Variants in PPP1CA observed in about 807,000 individuals in gnomAD.
The protein encoded by PPP1CA is protein phosphatase 1 catalytic subunit alpha.
Under a neutral mutation model 38.5 loss-of-function variants are expected in PPP1CA, and 14 were observed. That is an observed-to-expected ratio of 0.36 (90% CI 0.24 to 0.57). PPP1CA has a LOEUF of 0.57. PPP1CA is among the 20% of genes least tolerant of loss of function. The pLI, the probability that PPP1CA is intolerant of heterozygous loss-of-function variation, is 0.80. For missense variants in PPP1CA, 277 were observed against 435.2 expected (o/e 0.64, Z 3.23); for synonymous variants, 200 against 177.3 (o/e 1.13, Z -1.02).
chr11:67,400,014 G>GT (rs889164843), intron 3 of PPP1CA, among the ~76,000 whole-genome samples: 12 of 152,200 alleles, frequency 7.9e-5, no homozygotes, highest in Admixed American at 5.2e-4. Context: ...GCGCATGCCT[G>GT]TAATCCCAGC....
In PPP1CA at chr11:67,398,933, A is replaced by G; in HGVS notation, c.747+7T>C. 1.2e-6 allele frequency: 2 copies of G among 1,613,078 alleles called. No individual in the cohort carries two copies. Among genetic ancestry groups the G allele is most frequent in the South Asian group, 2.2e-5 (2 of 91,084 alleles). On this transcript the variant is annotated splice_region_variant and intron_variant, in intron 5 of 6. Transcript: ENST00000376745. ...TCCCCTGCCGCAGGCCGGAGCCACC[A>G]GCCCACCTGGTGTGCTCGGCAGATG...
intron 3 of PPP1CA, 136 bp downstream of exon 3, chr11:67,400,553 C>A (rs1238612247): frequency 6.9e-6 from 6 of 866,496 alleles, no homozygotes; most frequent in Non-Finnish European, 1.1e-5. Flanking sequence ...GGCACGAGAA[C>A]GGACCTGGGC....
At chr11:67,399,518 G>A (rs1282799428) in intron 4 of PPP1CA, 43 bp downstream of exon 4, 1 of 1,556,370 alleles carries the variant, frequency 6.4e-7, no homozygotes, top group East Asian at 2.2e-5. Flanking sequence ...GGTGCTGAGG[G>A]ATGCGGCCAG....
At chr11:67,401,413 G>T in intron 1 of PPP1CA, 1 of 784,036 alleles carries the variant, frequency 1.3e-6, no homozygotes, top group Non-Finnish European at 2.0e-6. Context: ...CGACTGTCGT[G>T]CGCAGGGGGC....
chr11:67,401,473 C>T (rs1390194875), intron 1 of PPP1CA: 1 of 597,112 alleles, frequency 1.7e-6, no homozygotes, highest in Non-Finnish European at 2.8e-6. Context: ...CCGGGCTTCC[C>T]GGGTTTCTCC....
At position 67,398,529 on chromosome 11, in the gene PPP1CA, C is replaced by T. The variant is rs138200265; in HGVS notation, c.*6G>A. ...ATCATCTGGGGCACAGGGTGGTGTG[C>T]GGGGGCTATTTCTTGGCTTTGGCGG... On this transcript the variant is annotated 3_prime_UTR_variant, in exon 7 of 7. Transcript: ENST00000376745. The T allele has an allele frequency of 3.9e-4, 624 of 1,612,454 alleles. 3 individuals are homozygous for T. In the East Asian group the frequency reaches 0.012, roughly 31 times the overall value.
chr11:67,401,816 G>C lies in PPP1CA; in HGVS notation c.-34C>G. ...CGCCGCTCCAGCCCAGCAGCTCCTG[G>C]CCCGCTCCTGCCTCCCGCCCTCCGG... On this transcript the variant is annotated 5_prime_UTR_variant, in exon 1 of 7. Transcript: ENST00000376745. 7.1e-7 allele frequency: 1 copy of C among 1,399,824 alleles called. No individual in the cohort carries two copies. Among genetic ancestry groups the C allele is most frequent in the South Asian group, 1.6e-5 (1 of 62,640 alleles). 86.7% of individuals were successfully genotyped at this position (1,399,824 alleles called of 1,614,324 possible). A position where few individuals can be genotyped will look rare whatever the true frequency, so the allele number is the denominator to read the frequency against.
At chr11:67,400,991 G>C (rs1727159248) in intron 2 of PPP1CA, 72 bp from the exon 3 acceptor site, 1 of 1,608,482 alleles carries the variant, frequency 6.2e-7, no homozygotes, top group African/African-American at 1.3e-5. Flanking sequence ...CTGCGCTCAA[G>C]GGAGGAGGGC....
Position 67,401,749 on chromosome 11 carries a change from T to G in PPP1CA, c.34A>C (p.Ile12Leu), listed in dbSNP as rs1421197088. ...SDSEKLNLDS[I>L]IGRLLEVQGS... ...CAACCTTCCAGCAGGCGCCCGATGA[T>G]CGAGTCCAGGTTGAGCTTCTCGCTG... Residue 12 changes from isoleucine (I) to leucine (L), a missense_variant, in exon 1 of 7, where the codon ATC (isoleucine) becomes CTC (leucine). Physicochemically the swap from Ile to Leu is conservative, Grantham distance 5. This residue lies in a region of PPP1CA where 44 missense variants were observed against 27.4 expected (regional missense o/e 1.60). Coordinates refer to ENST00000376745, the MANE Select transcript of PPP1CA (RefSeq NM_002708.4). 3 of 1,478,998 alleles carry G rather than the reference T, an allele frequency of 2.0e-6. No individual in the cohort carries two copies. Among genetic ancestry groups the G allele is most frequent in the Non-Finnish European group, 2.7e-6 (3 of 1,106,252 alleles). The allele number at this position is 1,478,998 out of a possible 1,614,324, so 91.6% of individuals were successfully genotyped here.
rs778071863 is a variant in PPP1CA, at chr11:67,401,782, T to TGGC, written c.-3_-1dup. ...AGGTTGAGCTTCTCGCTGTCGGACA[T>TGGC]GGCGGCGCCGCCGCTCCAGCCCAGC... On this transcript the variant is annotated 5_prime_UTR_variant, in exon 1 of 7. Transcript: ENST00000376745. 1.1e-5 allele frequency: 16 copies of TGGC among 1,465,756 alleles called. No homozygotes were observed. In the South Asian group the frequency reaches 2.0e-4, roughly 18 times the overall value. The allele number at this position is 1,465,756 out of a possible 1,614,324, so 90.8% of individuals were successfully genotyped here. A position where few individuals can be genotyped will look rare whatever the true frequency, so the allele number is the denominator to read the frequency against.
rs987090960 is a variant in PPP1CA at position 67,399,460 on chromosome 11, C to T, written c.523+101G>A. On this transcript the variant is annotated intron_variant, in intron 4 of 6. Transcript: ENST00000376745. ...CCAGCACAGTGGGGTATGGGGGACA[C>T]TTCCTGGAAGGAGTGACTTCCCAGA... 4 of 1,083,568 alleles carry T rather than the reference C, an allele frequency of 3.7e-6. No homozygotes were observed. In the Admixed American group the frequency reaches 7.9e-5, roughly 21 times the overall value. 67.1% of individuals were successfully genotyped at this position (1,083,568 alleles called of 1,614,324 possible).
intron 1 of PPP1CA, 104 bp downstream of exon 1, chr11:67,401,624 C>A: frequency 4.7e-6 from 5 of 1,066,072 alleles, no homozygotes; most frequent in Non-Finnish European, 4.8e-6. Context: ...GCTGCCCGTC[C>A]CCGCCCAGTC....
intron 6 of PPP1CA, 25 bp from the exon 7 acceptor site, chr11:67,398,670 C>G (rs761059133): frequency 1.2e-6 from 2 of 1,613,588 alleles, no homozygotes; most frequent in Non-Finnish European, 1.7e-6. Context: ...GTTGGTCAGG[C>G]TCATGGGGCT....
intron 1 of PPP1CA, 150 bp downstream of exon 1, chr11:67,401,578 G>T: frequency 1.5e-6 from 1 of 670,446 alleles, no homozygotes; most frequent in Non-Finnish European, 2.1e-6. Flanking sequence ...CCTCTCAGGC[G>T]CGTCCGCGGG....
At chr11:67,400,004 G>T (rs1347149745) in intron 3 of PPP1CA, among the ~76,000 whole-genome samples, 2 of 152,194 alleles carry the variant, frequency 1.3e-5, no homozygotes, top group African/African-American at 4.8e-5. Flanking sequence ...AGGCGTGGTG[G>T]CGCATGCCTG....
chr11:67,400,421 G>A (rs1372620353), intron 3 of PPP1CA, among the ~76,000 whole-genome samples: 5 of 152,208 alleles, frequency 3.3e-5, no homozygotes, highest in African/African-American at 1.2e-4. Flanking sequence ...AACATCCTAA[G>A]TGCTTAGTAG....
intron 1 of PPP1CA, 62 bp downstream of exon 1, chr11:67,401,666 A>G: frequency 4.0e-6 from 5 of 1,252,064 alleles, no homozygotes; most frequent in Non-Finnish European, 5.0e-6. Context: ...CCCGCGCGCC[A>G]CTTCCGGGCC....
Position 67,400,852 on chromosome 11 carries a change from G to C in PPP1CA, c.255C>G (p.Ser85Arg). The change falls in exon 3 of 7, where the codon AGC becomes AGG. Residue 85 changes from serine (S) to arginine (R), a missense_variant. Physicochemically the swap from Ser to Arg is moderately radical, Grantham distance 110. This residue lies in a region of PPP1CA where 180 missense variants were observed against 356.7 expected (regional missense o/e 0.50). Coordinates refer to ENST00000376745, the MANE Select transcript of PPP1CA (RefSeq NM_002708.4). ...CATAGTCCCCCAGAAAGAGGTAGTT[G>C]CTCTCGGGAGGGAAACCGCCATACT... ...LFEYGGFPPE[S>R]NYLFLGDYVD... 6.2e-7 allele frequency: 1 copy of C among 1,614,086 alleles called. No individual in the cohort carries two copies. Among genetic ancestry groups the C allele is most frequent in the Non-Finnish European group, 8.5e-7 (1 of 1,180,002 alleles).
chr11:67,400,647 C>T (rs774383379), intron 3 of PPP1CA, 42 bp downstream of exon 3: 3 of 1,565,802 alleles, frequency 1.9e-6, no homozygotes, highest in Non-Finnish European at 1.8e-6. Context: ...GCAAAGAGTG[C>T]GGTTCAGGAC....
Sources: gnomAD v4.1 joint callset for allele counts (sites outside exome capture counted in the v4.1 genomes callset) on GRCh38, gnomAD v4.1.1 for gene constraint, gnomAD v4.1.1 regional missense constraint, MANE v1.5 for transcripts, NCBI Gene and HGNC (gene_info 2026-07-23, HGNC 2026-07-21) for gene names.